Variants in SFXN1 observed in about 807,000 individuals in gnomAD.
SFXN1 encodes sideroflexin 1, also known as sideroflexin-1.
A neutral mutation model predicts 39.5 loss-of-function variants in SFXN1; 32 were observed. The observed-to-expected ratio is 0.81, with a 90% confidence interval of 0.61 to 1.09. The LOEUF is 1.09. SFXN1 is among the 50% of genes least tolerant of loss of function. The pLI is 0.00. For synonymous variants in SFXN1, 136 were observed against 146.5 expected (o/e 0.93, Z 0.52); for missense variants, 402 against 407.1 (o/e 0.99, Z 0.11).
chr5:175,519,070 A>G (rs1760801258), intron 8 of SFXN1, among the ~76,000 whole-genome samples: 2 of 152,216 alleles, frequency 1.3e-5, no homozygotes, highest in African/African-American at 4.8e-5. Context: ...CAGACACTCT[A>G]CCAAGTACAT....
At chr5:175,522,738 T>C (rs1760920578) in intron 10 of SFXN1, 1 of 271,348 alleles carries the variant, frequency 3.7e-6, no homozygotes, top group Non-Finnish European at 7.0e-6. Context: ...GGCAAATGCA[T>C]CTGTAATACA....
intron 2 of SFXN1, among the ~76,000 whole-genome samples, chr5:175,497,563 C>T (rs986593807): frequency 1.3e-5 from 2 of 152,142 alleles, no homozygotes; most frequent in African/African-American, 4.8e-5. Flanking sequence ...AGACAGTATT[C>T]ATGAGCCAGT....
chr5:175,491,880 A>G (rs1039785), intron 1 of SFXN1: 50 of 445,232 alleles, frequency 1.1e-4, no homozygotes, highest in African/African-American at 1.0e-3. Flanking sequence ...AGAAATATGT[A>G]GGAAACTATT....
intron 8 of SFXN1, among the ~76,000 whole-genome samples, chr5:175,519,888 T>G (rs34112438): frequency 6.9e-6 from 1 of 145,334 alleles, no homozygotes; most frequent in East Asian, 2.0e-4. Flanking sequence ...TTTTTTTTTT[T>G]GAGACCGAGT....
At chr5:175,524,005 G>A (rs1052460010) in intron 10 of SFXN1, 22 of 149,210 alleles carry the variant, frequency 1.5e-4, no homozygotes, top group African/African-American at 5.4e-4. Context: ...AGTGCCCAAT[G>A]AGGCAGGAGA....
Position 175,509,174 on chromosome 5 carries a change from A to G in SFXN1, c.307A>G (p.Ile103Val). The part of the protein sequence containing the change: ...MSAQVPMNMT[I>V]TGCMMTFYRT... The stretch of plus-strand genomic sequence containing the variant: ...AGCCCAGGTTCCCATGAACATGACC[A>G]TCACAGGTTGTATGATGACGTTTTA... Residue 103 changes from isoleucine to valine, a missense_variant, in exon 3 of 11, where the codon ATC (isoleucine) becomes GTC (valine). Ile to Val is a conservative substitution (Grantham distance 29). Coordinates refer to ENST00000321442, the MANE Select transcript of SFXN1 (RefSeq NM_022754.7). 3 of 1,613,534 alleles carry G rather than the reference A, an allele frequency of 1.9e-6. No homozygotes were observed. Among genetic ancestry groups the G allele is most frequent in the Non-Finnish European group, 2.5e-6 (3 of 1,179,794 alleles).
intron 4 of SFXN1, 136 bp downstream of exon 4, chr5:175,510,343 G>T: frequency 1.5e-6 from 1 of 686,366 alleles, no homozygotes; most frequent in Non-Finnish European, 2.4e-6. Context: ...ATCCTTTTTT[G>T]TAGCTTTTTT....
At chr5:175,493,370 G>A (rs185435725) in intron 2 of SFXN1, among the ~76,000 whole-genome samples, 5 of 152,314 alleles carry the variant, frequency 3.3e-5, no homozygotes, top group Admixed American at 6.5e-5. Context: ...CTGGGGATTG[G>A]ATTGCTAGAA....
chr5:175,480,010 CTGTT>C (rs1370091446), intron 1 of SFXN1, among the ~76,000 whole-genome samples: 1 of 152,108 alleles, frequency 6.6e-6, no homozygotes, highest in Non-Finnish European at 1.5e-5. Flanking sequence ...TGAGAGGGAA[CTGTT>C]TGGGAGGATG....
chr5:175,497,064 GT>G (rs1162520163), intron 2 of SFXN1, among the ~76,000 whole-genome samples: 1 of 151,928 alleles, frequency 6.6e-6, no homozygotes, highest in Non-Finnish European at 1.5e-5. Flanking sequence ...TAATTTTCAT[GT>G]TTTTAGTAAG....
intron 1 of SFXN1, among the ~76,000 whole-genome samples, chr5:175,487,205 T>C (rs1025252018): frequency 6.6e-5 from 10 of 152,156 alleles, no homozygotes; most frequent in Non-Finnish European, 1.2e-4. Context: ...CGCCCAGCCT[T>C]ATGCTGGACC....
chr5:175,524,613 C>A, intron 10 of SFXN1, among the ~76,000 whole-genome samples: 1 of 147,614 alleles, frequency 6.8e-6, no homozygotes. Context: ...CTAAATGTCC[C>A]AACTTAAAAA....
chr5:175,482,496 A>T (rs1317778127), intron 1 of SFXN1, among the ~76,000 whole-genome samples: 1 of 152,138 alleles, frequency 6.6e-6, no homozygotes, highest in African/African-American at 2.4e-5. Flanking sequence ...TTTTTCTTAC[A>T]TGTTTCTGAT....
intron 1 of SFXN1, 64 bp from the exon 2 acceptor site, chr5:175,492,029 TAA>T (rs1759672559): frequency 3.9e-6 from 5 of 1,280,890 alleles, no homozygotes; most frequent in Non-Finnish European, 5.3e-6. Context: ...AAGGTGACTG[TAA>T]AGTTTCTAAA....
intron 7 of SFXN1, 59 bp downstream of exon 7, chr5:175,513,649 C>A: frequency 5.1e-6 from 8 of 1,580,444 alleles, no homozygotes; most frequent in Non-Finnish European, 6.9e-6. Flanking sequence ...TTCACGGATC[C>A]GTGAACCAGA....
intron 9 of SFXN1, 95 bp from the exon 10 acceptor site, chr5:175,522,280 G>T: frequency 2.3e-6 from 3 of 1,277,350 alleles, no homozygotes; most frequent in Non-Finnish European, 3.2e-6. Context: ...GTAATGCTCT[G>T]AAGAAAGAAG....
intron 1 of SFXN1, among the ~76,000 whole-genome samples, chr5:175,482,596 G>A (rs992105986): frequency 1.3e-5 from 2 of 152,122 alleles, no homozygotes; most frequent in African/African-American, 2.4e-5. Flanking sequence ...GCTTCCACTC[G>A]TGGAAAACCA....
chr5:175,522,416 A>G lies in SFXN1; in HGVS notation c.866A>G (p.Gln289Arg). The G allele has an allele frequency of 1.2e-6, 2 of 1,612,106 alleles. No individual in the cohort carries two copies. Among genetic ancestry groups the G allele is most frequent in the Non-Finnish European group, 1.7e-6 (2 of 1,179,670 alleles). Residue 289 changes from glutamine to arginine, a missense_variant, in exon 10 of 11, where the codon CAG becomes CGG. By Grantham distance (43) the Gln-to-Arg change is conservative (BLOSUM62 1). Coordinates refer to ENST00000321442, the MANE Select transcript of SFXN1 (RefSeq NM_022754.7). The part of the protein sequence containing the change: ...ATPLCCALFP[Q>R]KSSMSVTSLE... Reference sequence around the variant, plus strand: ...CCCCTGTGTTGTGCCCTGTTTCCTCAGAAAAGGTATGTATTTGTTATTCGT... The same window carrying G: ...CCCCTGTGTTGTGCCCTGTTTCCTCGGAAAAGGTATGTATTTGTTATTCGT...
intron 8 of SFXN1, among the ~76,000 whole-genome samples, chr5:175,519,483 A>G (rs1760812701): frequency 6.6e-6 from 1 of 152,268 alleles, no homozygotes; most frequent in African/African-American, 2.4e-5. Flanking sequence ...TGTGAATACA[A>G]GGGAATACTT....
Sources: gnomAD v4.1 joint callset for allele counts (sites outside exome capture counted in the v4.1 genomes callset) on GRCh38, gnomAD v4.1.1 for gene constraint, MANE v1.5 for transcripts, NCBI Gene and HGNC (gene_info 2026-07-23, HGNC 2026-07-21) for gene names.